PP2D1: variants seen among roughly 807,000 people sequenced by gnomAD.
PP2D1 encodes the protein protein phosphatase 2C-like domain-containing protein 1.
Under a neutral mutation model 30.2 loss-of-function variants are expected in PP2D1, and 25 were observed. The observed-to-expected ratio is 0.83, with a 90% confidence interval of 0.60 to 1.16. The LOEUF (loss-of-function observed/expected upper bound fraction) is 1.16. PP2D1 is among the 50% of genes most tolerant of loss of function. The pLI is 0.00. For synonymous variants in PP2D1, 260 were observed against 258.9 expected (o/e 1.00, Z -0.04); for missense variants, 760 against 742.4 (o/e 1.02, Z -0.28).
intron 1 of PP2D1, among the ~76,000 whole-genome samples, chr3:20,003,514 G>A (rs1430085394): frequency 1.3e-5 from 2 of 151,892 alleles, no homozygotes; most frequent in South Asian, 4.1e-4. Flanking sequence ...AGGCCGAGGC[G>A]GGTGGATCAC....
chr3:19,983,361 A>AAG (rs1421769189), downstream of PP2D1, among the ~76,000 whole-genome samples: 246 of 151,750 alleles, frequency 1.6e-3, 1 homozygote, highest in Non-Finnish European at 2.9e-3. Context: ...AAAAAAAAAA[A>AAG]AAGAAGTAAT....
chr3:19,988,263 T>G (rs151097425), intron 2 of PP2D1, among the ~76,000 whole-genome samples: 1 of 152,296 alleles, frequency 6.6e-6, no homozygotes, highest in East Asian at 1.9e-4. Context: ...CTCAATTCTT[T>G]TTCTCAGCAA....
chr3:20,008,945 C>T (rs538793104), intron 1 of PP2D1, among the ~76,000 whole-genome samples: 1 of 152,166 alleles, frequency 6.6e-6, no homozygotes, highest in Non-Finnish European at 1.5e-5. Context: ...GAAAAGGACA[C>T]TGAGAACTAT....
chr3:19,982,801 T>C (rs1416779922), downstream of PP2D1, among the ~76,000 whole-genome samples: 1 of 151,682 alleles, frequency 6.6e-6, no homozygotes, highest in Non-Finnish European at 1.5e-5. Flanking sequence ...ATAGATGTTT[T>C]AAGGCCAAAG....
chr3:20,000,876 TGTG>T, intron 2 of PP2D1, 151 bp downstream of exon 2: 1 of 407,788 alleles, frequency 2.5e-6, no homozygotes, highest in East Asian at 3.6e-5. Flanking sequence ...GCATTTAAAT[TGTG>T]GTTATTTGTT....
chr3:19,980,022 C>T (rs1295131612), exon 4 of PP2D1: 2 of 152,150 alleles, frequency 1.3e-5, no homozygotes, highest in Non-Finnish European at 2.9e-5. Flanking sequence ...GTACTTCATT[C>T]GAAATGGGAA....
At chr3:19,980,603 T>C (rs1486620289), downstream of PP2D1, among the ~76,000 whole-genome samples, 3 of 152,182 alleles carry the variant, frequency 2.0e-5, no homozygotes, top group Non-Finnish European at 4.4e-5. Context: ...TCACCTCTGA[T>C]TTAAACACTT....
chr3:19,985,968 T>G lies in PP2D1; in HGVS notation c.1305A>C (p.Ala435=), dbSNP rs759262195. ...NLKLKKSIIP[A]PQTISVPIDD... is the part of the protein sequence containing the mutation. ...CTATAGGGACAGAAATAGTTTGAGG[T>G]GCTGGGATAATGGATTTTTTCAGCT... is the stretch of plus-strand genomic sequence containing the variant. The change falls in exon 3 of 3, where the codon GCA becomes GCC. Residue 435 remains alanine, a synonymous_variant. Coordinates refer to ENST00000389050, the MANE Select transcript of PP2D1 (RefSeq NM_001252657.2). The G allele has an allele frequency of 1.3e-6, 2 of 1,536,072 alleles. No homozygotes were observed. Among genetic ancestry groups the G allele is most frequent in the Non-Finnish European group, 1.7e-6 (2 of 1,146,892 alleles).
At chr3:19,980,984 C>T (rs190883811), downstream of PP2D1, among the ~76,000 whole-genome samples, 138 of 152,288 alleles carry the variant, frequency 9.1e-4, 1 homozygote, top group African/African-American at 2.8e-3. Context: ...GATCTCAAAG[C>T]AGAGTGTATT....
chr3:20,010,507 C>T (rs192046867), intron 1 of PP2D1, among the ~76,000 whole-genome samples: 1 of 152,186 alleles, frequency 6.6e-6, no homozygotes, highest in Admixed American at 6.5e-5. Context: ...ATCACTTCTT[C>T]AATACCTACA....
chr3:19,986,062 T>TTTGA lies in PP2D1; in HGVS notation c.1207_1210dup (p.Asn404IlefsTer3). ...CCCCTCTACAAGCCCGTATGGTTCA[T>TTTGA]TTGAACTAATGACTGCTCCATTCTG... On this transcript the variant is annotated frameshift_variant, in exon 3 of 3. Coordinates refer to ENST00000389050, the MANE Select transcript of PP2D1 (RefSeq NM_001252657.2). LOFTEE classifies it low-confidence loss of function (END_TRUNC). The TTTGA allele has an allele frequency of 6.5e-7, 1 of 1,536,112 alleles. No homozygotes were observed. Among genetic ancestry groups the TTTGA allele is most frequent in the Non-Finnish European group, 8.7e-7 (1 of 1,146,864 alleles).
chr3:19,989,911 A>G (rs1697094697), intron 2 of PP2D1, among the ~76,000 whole-genome samples: 1 of 152,214 alleles, frequency 6.6e-6, no homozygotes, highest in South Asian at 2.1e-4. Context: ...TAATAGAAAT[A>G]TGTACTTACA....
downstream of PP2D1, among the ~76,000 whole-genome samples, chr3:19,980,614 A>G (rs567883301): frequency 4.3e-4 from 65 of 152,142 alleles, no homozygotes; most frequent in Middle Eastern, 3.2e-3. Context: ...TTAAACACTT[A>G]GGGAACATGC....
At chr3:19,983,728 G>A (rs780583803), downstream of PP2D1, 15 of 1,610,660 alleles carry the variant, frequency 9.3e-6, no homozygotes, top group Non-Finnish European at 1.3e-5. Context: ...GCCAAAGAAT[G>A]AACCACAAAA....
chr3:19,984,656 C>G (rs1272902719), downstream of PP2D1: 2 of 157,754 alleles, frequency 1.3e-5, no homozygotes, highest in Non-Finnish European at 2.8e-5. Context: ...AGTCAATGCA[C>G]TAACAATTAT....
intron 2 of PP2D1, among the ~76,000 whole-genome samples, chr3:19,995,969 G>A (rs563020711): frequency 7.9e-5 from 12 of 151,998 alleles, no homozygotes; most frequent in Non-Finnish European, 1.3e-4. Flanking sequence ...CAGCAAAAGT[G>A]ATACTAATAG....
At chr3:20,007,027 A>G (rs1014652696) in intron 1 of PP2D1, among the ~76,000 whole-genome samples, 2 of 151,156 alleles carry the variant, frequency 1.3e-5, no homozygotes, top group South Asian at 4.2e-4. Context: ...ACACACACAC[A>G]CACACGTATA....
intron 2 of PP2D1, among the ~76,000 whole-genome samples, chr3:19,988,252 G>A (rs1029488013): frequency 2.0e-5 from 3 of 152,126 alleles, no homozygotes; most frequent in South Asian, 2.1e-4. Flanking sequence ...GAGAAATACC[G>A]CTCAATTCTT....
rs1310103428 is a variant in PP2D1 at position 19,985,572 on chromosome 3, T to TA, written c.1700dup (p.Thr568AsnfsTer2). 1.3e-6 allele frequency: 2 copies of TA among 1,536,112 alleles called. No homozygotes were observed. Among genetic ancestry groups the TA allele is most frequent in the East Asian group, 4.9e-5 (2 of 40,914 alleles). On this transcript the variant is annotated frameshift_variant, in exon 3 of 3. Coordinates refer to ENST00000389050, the MANE Select transcript of PP2D1 (RefSeq NM_001252657.2). LOFTEE classifies it low-confidence loss of function (END_TRUNC). ...CATTTACACTAGTTGGTCTGTCAGT[T>TA]ACTTTTTCACTGCAAGGTTTACGAT...
Sources: allele counts gnomAD v4.1 joint callset (sites outside exome capture counted in the v4.1 genomes callset), GRCh38; gene constraint gnomAD v4.1.1; transcripts MANE v1.5; gene names NCBI Gene and HGNC (gene_info 2026-07-23, HGNC 2026-07-21).